The following NFASC variants were observed in gnomAD, a reference collection of about 807,000 sequenced individuals.
NFASC encodes neurofascin, also known as neurofascin homolog.
NFASC carries 43 observed loss-of-function variants against 147.5 expected under a neutral mutation model. That is an observed-to-expected ratio of 0.29 (90% CI 0.23 to 0.38). NFASC has a LOEUF of 0.38. Among genes scored for constraint, NFASC ranks in the 10% least tolerant of loss-of-function variants. The probability of loss-of-function intolerance (pLI) is 1.00; values close to 1 mark genes in which losing one functional copy is unlikely to be tolerated. For missense variants in NFASC, 1,320 were observed against 1,689.0 expected, an observed-to-expected ratio of 0.78 and a Z score of 3.83; for synonymous variants, 622 against 665.5, an observed-to-expected ratio of 0.93 and a Z score of 1.01.
intron 1 of NFASC, among the ~76,000 whole-genome samples, chr1:204,855,027 G>A (rs575337138): frequency 6.6e-6 from 1 of 152,338 alleles, no homozygotes; most frequent in South Asian, 2.1e-4. Flanking sequence ...CTTCCTGACA[G>A]CACTGCAAGG....
At chr1:204,848,214 C>T (rs917226675) in intron 1 of NFASC, among the ~76,000 whole-genome samples, 3 of 152,170 alleles carry the variant, frequency 2.0e-5, no homozygotes, top group Non-Finnish European at 4.4e-5. Context: ...GATGCAGTCC[C>T]CTTTTTCATC....
In NFASC at chr1:205,001,243, C is replaced by T; in HGVS notation, c.3093C>T (p.His1031=). 6.2e-7 allele frequency: 1 copy of T among 1,612,616 alleles called. No homozygotes were observed. The highest frequency in any genetic ancestry group is 8.5e-7 in the Non-Finnish European group (1 of 1,179,332). ...AATGGGCCAACATCACCTGGAAGCA[C>T]AATTTCGGGCCCGGAACTGACTTTG... ...NSKWANITWK[H]NFGPGTDFVV... The change falls in exon 26 of 30, where the codon CAC becomes CAT. Residue 1031 remains histidine, a synonymous_variant. Coordinates refer to ENST00000339876, the MANE Select transcript of NFASC (RefSeq NM_001005388.3).
intron 1 of NFASC, among the ~76,000 whole-genome samples, chr1:204,830,677 G>GAGAGAGAGAT (rs1671974434): frequency 6.7e-6 from 1 of 149,720 alleles, no homozygotes; most frequent in Admixed American, 6.8e-5. Flanking sequence ...GAGAGAGAGA[G>GAGAGAGAGAT]AATTATGCCA....
At chr1:204,873,962 A>G (rs1317931997) in intron 1 of NFASC, among the ~76,000 whole-genome samples, 1 of 152,152 alleles carries the variant, frequency 6.6e-6, no homozygotes, top group East Asian at 1.9e-4. Flanking sequence ...TTGGAGCCAG[A>G]CTGCGGGGGA....
intron 29 of NFASC, among the ~76,000 whole-genome samples, chr1:205,013,945 C>T (rs1036682260): frequency 6.6e-6 from 1 of 152,206 alleles, no homozygotes; most frequent in African/African-American, 2.4e-5. Context: ...CACCTAGTCC[C>T]GACATTCCCA....
intron 1 of NFASC, among the ~76,000 whole-genome samples, chr1:204,829,617 G>A (rs904786841): frequency 2.0e-5 from 3 of 152,164 alleles, no homozygotes; most frequent in Admixed American, 2.0e-4. Context: ...CTCCAGCCAT[G>A]CAGCCACTCT....
rs145260351 is a variant in NFASC, at chr1:204,865,152, T to G, written c.-200+36370T>G. ...TATCCATGAGGGATACATTTCAAGA[T>G]CCCCAGTGGTTGCCTGAAACCATGG... On this transcript the variant is annotated intron_variant, in intron 1 of 29. Coordinates refer to ENST00000339876, the MANE Select transcript of NFASC (RefSeq NM_001005388.3). Among the ~76,000 whole-genome samples, 290 of 152,316 alleles carry G rather than the reference T, an allele frequency of 1.9e-3. 1 individual carries two copies. Among genetic ancestry groups the G allele is most frequent in the African/African-American group, 6.3e-3 (260 of 41,568 alleles).
At chr1:204,998,324 G>C (rs2095893299) in intron 25 of NFASC, 1 of 152,218 alleles carries the variant, frequency 6.6e-6, no homozygotes, top group Non-Finnish European at 1.5e-5. Context: ...AGGCAGCCAG[G>C]AAGCACCCAG....
At chr1:204,868,512 G>T (rs990545039) in intron 1 of NFASC, among the ~76,000 whole-genome samples, 1 of 152,212 alleles carries the variant, frequency 6.6e-6, no homozygotes, top group Non-Finnish European at 1.5e-5. Flanking sequence ...CTGCCCAGCA[G>T]CTGTCTTCCC....
At chr1:204,946,202 C>A in intron 3 of NFASC, 1 of 418,876 alleles carries the variant, frequency 2.4e-6, no homozygotes. Context: ...CTTAGAGTCA[C>A]ACAGCAAATG....
At position 204,974,735 on chromosome 1, in the gene NFASC, G is replaced by T; in HGVS notation, c.1470G>T (p.Met490Ile). Residue 490 changes from methionine to isoleucine, a missense_variant, in exon 14 of 30, where the codon ATG becomes ATT. This residue lies in a region of NFASC where 981 missense variants were observed against 1,289.5 expected (regional missense o/e 0.76). Transcript: ENST00000339876. ...AGAACGGCAGTCTGGAAATTAAGAT[G>T]ATCCGCAAAGAGGACCAGGGCATCT... Reference protein sequence around the residue: ...VYENGSLEIKMIRKEDQGIYT... With the variant: ...VYENGSLEIKIIRKEDQGIYT... 5.6e-6 allele frequency: 9 copies of T among 1,613,982 alleles called. No homozygotes were observed. Among genetic ancestry groups the T allele is most frequent in the Non-Finnish European group, 7.6e-6 (9 of 1,179,990 alleles).
intron 1 of NFASC, among the ~76,000 whole-genome samples, chr1:204,885,256 C>A (rs1391165105): frequency 6.6e-6 from 1 of 152,132 alleles, no homozygotes; most frequent in Non-Finnish European, 1.5e-5. Context: ...CCCATCACCC[C>A]TAAAGTGAAC....
chr1:204,844,747 A>G (rs1676449411), intron 1 of NFASC, among the ~76,000 whole-genome samples: 1 of 152,180 alleles, frequency 6.6e-6, no homozygotes, highest in Admixed American at 6.5e-5. Context: ...TATTTTAAAT[A>G]AACTTGAGAG....
chr1:204,939,365 A>G (rs1490780159), intron 2 of NFASC, among the ~76,000 whole-genome samples: 1 of 152,132 alleles, frequency 6.6e-6, no homozygotes, highest in Non-Finnish European at 1.5e-5. Context: ...TGCATTTATC[A>G]GACAATTCTT....
At chr1:204,970,380 C>T (rs540665754) in intron 10 of NFASC, among the ~76,000 whole-genome samples, 23 of 152,268 alleles carry the variant, frequency 1.5e-4, no homozygotes, top group African/African-American at 5.5e-4. Flanking sequence ...GTGAGCAGCC[C>T]CAGTTTAGAA....
intron 1 of NFASC, among the ~76,000 whole-genome samples, chr1:204,869,218 G>T (rs1480222003): frequency 1.3e-5 from 2 of 152,152 alleles, no homozygotes; most frequent in South Asian, 2.1e-4. Context: ...GGTGGTTGAA[G>T]AGGCATCACA....
intron 21 of NFASC, chr1:204,984,370 TATATATATAC>T (rs2095567492): frequency 1.4e-5 from 2 of 147,064 alleles, no homozygotes; most frequent in South Asian, 1.3e-4. Context: ...TGTGTGTGTG[TATATATATAC>T]GCATATATAT....
At chr1:204,848,155 C>T (rs2075341242) in intron 1 of NFASC, among the ~76,000 whole-genome samples, 1 of 152,220 alleles carries the variant, frequency 6.6e-6, no homozygotes, top group South Asian at 2.1e-4. Context: ...TGTCCAGGAG[C>T]TGACACTGCC....
chr1:205,016,536 C>T lies in NFASC; in HGVS notation c.3720C>T (p.Ala1240=), dbSNP rs370385819. The change falls in exon 30 of 30, where the codon GCC becomes GCT. Residue 1240 remains alanine, a synonymous_variant. Coordinates refer to ENST00000339876, the MANE Select transcript of NFASC (RefSeq NM_001005388.3). The surrounding 1 kb of genome is among the most constrained non-coding windows in gnomAD (Gnocchi z 5.1). ...TSPVNAIYSL[A] is the part of the protein sequence containing the mutation. ...CTGTCAATGCTATCTACTCTCTGGCCTAACGGAGCCCACCCAGGCACAGCC... is the reference window on the plus strand; with the variant it reads ...CTGTCAATGCTATCTACTCTCTGGCTTAACGGAGCCCACCCAGGCACAGCC... The T allele has an allele frequency of 6.8e-6, 11 of 1,611,162 alleles. No individual in the cohort carries two copies. Among genetic ancestry groups the T allele is most frequent in the Non-Finnish European group, 9.3e-6 (11 of 1,177,410 alleles).
Sources: allele counts gnomAD v4.1 joint callset (sites outside exome capture counted in the v4.1 genomes callset), GRCh38; gene constraint gnomAD v4.1.1; regional missense constraint gnomAD v4.1.1; non-coding constraint Gnocchi (gnomAD v3.1); transcripts MANE v1.5; gene names NCBI Gene and HGNC (gene_info 2026-07-23, HGNC 2026-07-21).